The following PRDM6 variants were observed in gnomAD, a reference collection of about 807,000 sequenced individuals.
The protein encoded by PRDM6 is putative histone-lysine N-methyltransferase PRDM6.
In PRDM6, 25 loss-of-function variants were observed where a neutral mutation model predicts 60.8. The observed-to-expected ratio is 0.41, with a 90% confidence interval of 0.30 to 0.57. PRDM6 has a LOEUF of 0.57. Among genes scored for constraint, PRDM6 ranks in the 20% least tolerant of loss-of-function variants. The pLI is 0.27. For synonymous variants in PRDM6, 407 were observed against 357.4 expected (o/e 1.14, Z -1.57); for missense variants, 839 against 821.3 (o/e 1.02, Z -0.26).
intron 3 of PRDM6, among the ~76,000 whole-genome samples, chr5:123,152,483 T>C (rs902365639): frequency 6.6e-5 from 10 of 152,202 alleles, no homozygotes; most frequent in Non-Finnish European, 1.2e-4. Context: ...GGTCTATTGC[T>C]TGAATTTAGC....
intron 3 of PRDM6, among the ~76,000 whole-genome samples, chr5:123,110,895 G>T (rs931172893): frequency 4.6e-5 from 7 of 151,980 alleles, no homozygotes; most frequent in African/African-American, 1.7e-4. Context: ...CTAAGCAGGG[G>T]TGATACTCAA....
At chr5:123,130,088 T>TCCCTC (rs374831218) in intron 3 of PRDM6, among the ~76,000 whole-genome samples, 3 of 50,610 alleles carry the variant, frequency 5.9e-5, no homozygotes, top group African/African-American at 3.2e-4. Flanking sequence ...TCCTTTCTAT[T>TCCCTC]CCCTCCCCTC....
At chr5:123,098,048 G>A (rs1283038638) in intron 2 of PRDM6, among the ~76,000 whole-genome samples, 1 of 152,202 alleles carries the variant, frequency 6.6e-6, no homozygotes, top group Non-Finnish European at 1.5e-5. Context: ...GGCAAATCGA[G>A]GGCTCCCTTA....
At chr5:123,178,507 T>A (rs1404933707) in intron 6 of PRDM6, among the ~76,000 whole-genome samples, 5 of 152,226 alleles carry the variant, frequency 3.3e-5, no homozygotes, top group African/African-American at 1.2e-4. Flanking sequence ...TTTCAAAGGA[T>A]TATTTTATGA....
At chr5:123,111,914 C>G in intron 3 of PRDM6, among the ~76,000 whole-genome samples, 1 of 152,124 alleles carries the variant, frequency 6.6e-6, no homozygotes, top group East Asian at 1.9e-4. Flanking sequence ...TACATCTTGG[C>G]TAATCTCCTG....
chr5:123,112,644 C>G (rs567451976), intron 3 of PRDM6, among the ~76,000 whole-genome samples: 2 of 152,296 alleles, frequency 1.3e-5, no homozygotes, highest in Admixed American at 1.3e-4. Flanking sequence ...ATCTGAAAGT[C>G]CTGACATTGT....
At chr5:123,166,054 A>G (rs1765744909) in intron 5 of PRDM6, among the ~76,000 whole-genome samples, 1 of 152,026 alleles carries the variant, frequency 6.6e-6, no homozygotes, top group African/African-American at 2.4e-5. Context: ...CGCCCCCACC[A>G]TCCTCTGTTG....
intron 3 of PRDM6, among the ~76,000 whole-genome samples, chr5:123,121,506 C>T (rs1451915302): frequency 1.3e-5 from 2 of 152,160 alleles, no homozygotes; most frequent in Non-Finnish European, 2.9e-5. Context: ...CCTTGGCCTC[C>T]CCAAATGTTG....
Position 123,170,768 on chromosome 5 carries a change from A to G in PRDM6, c.1156A>G (p.Asn386Asp), listed in dbSNP as rs1429408271. The G allele has an allele frequency of 6.5e-7, 1 of 1,545,976 alleles. No individual in the cohort carries two copies. Among genetic ancestry groups the G allele is most frequent in the Non-Finnish European group, 8.7e-7 (1 of 1,143,178 alleles). ...CTAAACTGTTGCTATTCTCCTAGTA[A>G]ATGTCCCTTCAACGGTAATGGAAGC... ...LQCIAQDENL[N>D]VPSTVMEAMC... Residue 386 changes from asparagine to aspartate, a missense_variant and splice_region_variant, in exon 6 of 8, where the codon AAT becomes GAT. Transcript: ENST00000407847.
chr5:123,148,471 A>G (rs1165508640), intron 3 of PRDM6, among the ~76,000 whole-genome samples: 1 of 152,202 alleles, frequency 6.6e-6, no homozygotes, highest in African/African-American at 2.4e-5. Flanking sequence ...TTAAAATGAA[A>G]AAATGTATAA....
intron 5 of PRDM6, among the ~76,000 whole-genome samples, chr5:123,167,443 G>A (rs973254363): frequency 6.6e-6 from 1 of 151,446 alleles, no homozygotes; most frequent in African/African-American, 2.4e-5. Context: ...AGGCTGGAGT[G>A]CAATGGCACG....
intron 3 of PRDM6, among the ~76,000 whole-genome samples, chr5:123,105,154 C>G (rs752560329): frequency 6.6e-6 from 1 of 152,172 alleles, no homozygotes; most frequent in Non-Finnish European, 1.5e-5. Context: ...TTACAAATTG[C>G]TTCTTTTATC....
At chr5:123,140,633 A>C (rs894455546) in intron 3 of PRDM6, among the ~76,000 whole-genome samples, 6 of 152,186 alleles carry the variant, frequency 3.9e-5, no homozygotes, top group African/African-American at 1.4e-4. Flanking sequence ...CTTACAGAAA[A>C]ACAAATTCTT....
At chr5:123,158,146 A>G (rs1178421490) in intron 4 of PRDM6, among the ~76,000 whole-genome samples, 1 of 152,222 alleles carries the variant, frequency 6.6e-6, no homozygotes, top group African/African-American at 2.4e-5. Context: ...TTCAGCAGCA[A>G]AGTGTGTCAT....
Position 123,156,066 on chromosome 5 carries a change from T to C in PRDM6, c.1028+55T>C. On this transcript the variant is annotated intron_variant, in intron 4 of 7. Transcript: ENST00000407847. Reference sequence around the variant, plus strand: ...GAGCTGAAGCCATTTGGCTTGCATATACAAATTCAGGCTTGCCACTGGTGG... The same window carrying C: ...GAGCTGAAGCCATTTGGCTTGCATACACAAATTCAGGCTTGCCACTGGTGG... 2.0e-6 allele frequency: 3 copies of C among 1,491,274 alleles called. No individual in the cohort carries two copies. In the South Asian group the frequency reaches 4.0e-5, roughly 20 times the overall value. The allele number at this position is 1,491,274 out of a possible 1,614,324, so 92.4% of individuals were successfully genotyped here.
intron 3 of PRDM6, among the ~76,000 whole-genome samples, chr5:123,127,446 T>C (rs1764718683): frequency 6.6e-6 from 1 of 152,226 alleles, no homozygotes; most frequent in Non-Finnish European, 1.5e-5. Flanking sequence ...ATTTCTAATC[T>C]CTGGAACTGT....
intron 4 of PRDM6, among the ~76,000 whole-genome samples, chr5:123,156,951 T>G (rs1164270809): frequency 6.6e-6 from 1 of 152,218 alleles, no homozygotes; most frequent in Non-Finnish European, 1.5e-5. Context: ...CGTGTTCTCT[T>G]TAGAATCAGA....
At chr5:123,165,803 G>A (rs1427458560) in intron 5 of PRDM6, among the ~76,000 whole-genome samples, 2 of 152,110 alleles carry the variant, frequency 1.3e-5, no homozygotes, top group Admixed American at 6.6e-5. Flanking sequence ...TCTGTACTTT[G>A]TTTCTTTATT....
intron 6 of PRDM6, among the ~76,000 whole-genome samples, chr5:123,174,677 T>C (rs1248877261): frequency 6.6e-6 from 1 of 152,174 alleles, no homozygotes; most frequent in Non-Finnish European, 1.5e-5. Context: ...TGCCTTGATA[T>C]AAAGGAAAGA....
Sources: allele counts gnomAD v4.1 joint callset (sites outside exome capture counted in the v4.1 genomes callset), GRCh38; gene constraint gnomAD v4.1.1; transcripts MANE v1.5; gene names NCBI Gene and HGNC (gene_info 2026-07-23, HGNC 2026-07-21).